The following ALG13 variants were observed in gnomAD, a reference collection of about 807,000 sequenced individuals.
The protein encoded by ALG13 is UDP-N-acetylglucosamine transferase subunit ALG13.
In ALG13, 11 loss-of-function variants were observed where a neutral mutation model predicts 87.8. The ratio of observed to expected loss-of-function variants is 0.13; its 90% CI spans 0.08 to 0.21. The LOEUF is 0.21. Among genes scored for constraint, ALG13 ranks in the 10% least tolerant of loss-of-function variants. The pLI is 1.00. For synonymous variants in ALG13, 320 were observed against 306.3 expected (o/e 1.04, Z -0.47); for missense variants, 756 against 866.1 (o/e 0.87, Z 1.60).
chrX:111,716,350 T>G (rs755792931), intron 8 of ALG13, among the ~76,000 whole-genome samples: 2 of 112,126 alleles, frequency 1.8e-5, no homozygotes, highest in Non-Finnish European at 3.8e-5. Flanking sequence ...AAATGGAAAT[T>G]CTTGCCACTT....
intron 11 of ALG13, among the ~76,000 whole-genome samples, chrX:111,720,824 G>A (rs192616877): frequency 9.9e-5 from 11 of 110,747 alleles, no homozygotes; most frequent in African/African-American, 2.0e-4. Flanking sequence ...ACCTCCATGT[G>A]TATATCATGA....
intron 8 of ALG13, among the ~76,000 whole-genome samples, chrX:111,717,594 T>C (rs939231133): frequency 5.6e-5 from 6 of 107,230 alleles, no homozygotes; most frequent in Non-Finnish European, 1.2e-4. Flanking sequence ...GTTTGGTATA[T>C]TAATGTGATT....
chrX:111,695,489 C>T (rs1936841326), intron 3 of ALG13, among the ~76,000 whole-genome samples: 1 of 107,655 alleles, frequency 9.3e-6, no homozygotes, highest in Non-Finnish European at 1.9e-5. Context: ...CGCCATTGCA[C>T]TCCAGTCTGG....
chrX:111,718,944 T>G (rs1941009942), intron 10 of ALG13, among the ~76,000 whole-genome samples: 1 of 111,929 alleles, frequency 8.9e-6, no homozygotes, highest in African/African-American at 3.2e-5. Context: ...TTCAGATAGG[T>G]TTGGTGCTAG....
At chrX:111,703,270 A>G (rs1422421368) in intron 3 of ALG13, among the ~76,000 whole-genome samples, 1 of 109,742 alleles carries the variant, frequency 9.1e-6, no homozygotes, top group Non-Finnish European at 1.9e-5. Context: ...CCTGTTGGTT[A>G]GATGTTGGCT....
In ALG13 at chrX:111,728,104, C is replaced by A; in HGVS notation, c.2248-81C>A. 5 of 1,156,177 alleles carry A rather than the reference C, an allele frequency of 4.3e-6. No individual in the cohort carries two copies. The South Asian group carries it at 7.4e-5, about 17-fold the overall frequency. On this transcript the variant is annotated intron_variant, in intron 18 of 26. Transcript: ENST00000394780. ...TCACATTGTTAGGCTAGTTTTTAAACTGCCTTTTAAAACATCCCTCTAGCT... is the reference window on the plus strand; with the variant it reads ...TCACATTGTTAGGCTAGTTTTTAAAATGCCTTTTAAAACATCCCTCTAGCT...
In ALG13 at chrX:111,722,794, A is replaced by C; in HGVS notation, c.1437A>C (p.Glu479Asp). 8.4e-7 allele frequency: 1 copy of C among 1,187,539 alleles called. No individual in the cohort carries two copies. Among genetic ancestry groups the C allele is most frequent in the Non-Finnish European group, 1.1e-6 (1 of 877,347 alleles). Reference protein sequence around the residue: ...EFDVWLDSRKELQKSDYMEYA... With the variant: ...EFDVWLDSRKDLQKSDYMEYA... ...TGAATCTTCATTTTCTTTTAATAGAACTTCAAAAATCTGATTACATGGAGT... is the reference window on the plus strand; with the variant it reads ...TGAATCTTCATTTTCTTTTAATAGACCTTCAAAAATCTGATTACATGGAGT... Residue 479 changes from glutamate (E) to aspartate (D), a missense_variant and splice_region_variant, in exon 13 of 27, where the codon GAA (glutamate) becomes GAC (aspartate). By Grantham distance (45) the Glu-to-Asp change is conservative. Transcript: ENST00000394780.
rs1236954093 is a variant in ALG13 at position 111,760,052 on chromosome X, T to C, written c.*53T>C. 8.8e-7 allele frequency: 1 copy of C among 1,131,653 alleles called. No homozygotes were observed. The highest frequency in any genetic ancestry group is 1.8e-5 in the African/African-American group (1 of 55,148). 93.3% of individuals were successfully genotyped at this position (1,131,653 alleles called of 1,213,427 possible). A position where few individuals can be genotyped will look rare whatever the true frequency, so the allele number is the denominator to read the frequency against. On this transcript the variant is annotated 3_prime_UTR_variant, in exon 27 of 27. Coordinates refer to ENST00000394780, the MANE Select transcript of ALG13 (RefSeq NM_001099922.3). ...CTGCCATTTTCTTGCTGTTTTTGTT[T>C]TTAAAAAGTATTTTATGTTAGTGGT...
chrX:111,757,509 T>TG, intron 25 of ALG13, 79 bp from the exon 26 acceptor site: 9 of 691,380 alleles, frequency 1.3e-5, no homozygotes, highest in Non-Finnish European at 1.8e-5. Context: ...TTTTTTTTTT[T>TG]GTCTGTGGGG....
At chrX:111,703,188 A>G (rs1938189686) in intron 3 of ALG13, among the ~76,000 whole-genome samples, 1 of 106,132 alleles carries the variant, frequency 9.4e-6, no homozygotes, top group Admixed American at 1.0e-4. Flanking sequence ...TTATATTGTC[A>G]TCATCATCAT....
intron 24 of ALG13, among the ~76,000 whole-genome samples, chrX:111,748,316 T>C (rs767946666): frequency 2.1e-4 from 24 of 112,453 alleles, no homozygotes; most frequent in Admixed American, 7.5e-4. Context: ...TTATTTCTTT[T>C]ATGGATCATG....
chrX:111,681,490 C>G, intron 1 of ALG13, 191 bp downstream of exon 1: 1 of 1,046,747 alleles, frequency 9.6e-7, no homozygotes, highest in Non-Finnish European at 1.2e-6. Flanking sequence ...TACCCGGCCA[C>G]TCGGGGTTGC....
intron 3 of ALG13, among the ~76,000 whole-genome samples, chrX:111,702,622 T>A (rs1278216417): frequency 1.8e-5 from 2 of 111,280 alleles, no homozygotes; most frequent in East Asian, 5.6e-4. Flanking sequence ...TCTGTCCTAT[T>A]TTTGGAAATG....
chrX:111,738,216 G>T (rs1035003462), intron 23 of ALG13, among the ~76,000 whole-genome samples: 1 of 112,372 alleles, frequency 8.9e-6, no homozygotes, highest in Admixed American at 9.4e-5. Flanking sequence ...TTATAAAGGG[G>T]AGAAGGTCAT....
intron 3 of ALG13, among the ~76,000 whole-genome samples, chrX:111,693,687 T>C (rs1254265527): frequency 2.7e-5 from 3 of 112,322 alleles, no homozygotes; most frequent in Non-Finnish European, 5.6e-5. Context: ...CCAAAATTAC[T>C]TATTTTGATT....
chrX:111,698,284 A>G (rs760582764), intron 3 of ALG13, among the ~76,000 whole-genome samples: 2 of 112,070 alleles, frequency 1.8e-5, no homozygotes, highest in African/African-American at 3.2e-5. Flanking sequence ...ATAGGGTACA[A>G]TGTAATGTTT....
chrX:111,681,656 C>A (rs1933287258), intron 1 of ALG13: 1 of 903,138 alleles, frequency 1.1e-6, no homozygotes, highest in Admixed American at 6.1e-5. Flanking sequence ...CCGGGCTCGG[C>A]AGTTTTTCCT....
rs768403912 is a variant in ALG13 at position 111,760,612 on chromosome X, T to TA, written c.*614dup. On this transcript the variant is annotated 3_prime_UTR_variant, in exon 27 of 27. Coordinates refer to ENST00000394780, the MANE Select transcript of ALG13 (RefSeq NM_001099922.3). ...ATTGAATTGGTGTCTTTTGCACAGT[T>TA]AGCAGTAAATAAAAATTAGCATTTA... The TA allele has an allele frequency of 1.8e-5, 2 of 112,714 alleles. No individual in the cohort carries two copies. The highest frequency in any genetic ancestry group is 7.4e-4 in the South Asian group (2 of 2,704). The allele number at this position is 112,714 out of a possible 1,213,427, so 9.3% of individuals were successfully genotyped here. A position where few individuals can be genotyped will look rare whatever the true frequency, so the allele number is the denominator to read the frequency against.
intron 24 of ALG13, among the ~76,000 whole-genome samples, chrX:111,746,684 C>G (rs1027481155): frequency 6.3e-5 from 7 of 111,931 alleles, no homozygotes; most frequent in African/African-American, 1.9e-4. Flanking sequence ...GTTTTTATTT[C>G]CCTTGGGCAA....
Sources: gnomAD v4.1 joint callset for allele counts (sites outside exome capture counted in the v4.1 genomes callset) on GRCh38, gnomAD v4.1.1 for gene constraint, MANE v1.5 for transcripts, NCBI Gene and HGNC (gene_info 2026-07-23, HGNC 2026-07-21) for gene names.